MARCHF8: variants seen among roughly 807,000 people sequenced by gnomAD.
The protein encoded by MARCHF8 is E3 ubiquitin-protein ligase MARCHF8.
A neutral mutation model predicts 51.6 loss-of-function variants in MARCHF8; 40 were observed. The observed-to-expected ratio is 0.77, with a 90% CI of 0.60 to 1.01. The LOEUF (loss-of-function observed/expected upper bound fraction) is 1.01. MARCHF8 is among the 50% of genes least tolerant of loss of function. MARCHF8 has a pLI of 0.00. For missense variants in MARCHF8, 685 were observed against 708.6 expected, an observed-to-expected ratio of 0.97 and a Z score of 0.38; for synonymous variants, 263 against 280.3, an observed-to-expected ratio of 0.94 and a Z score of 0.62.
intron 1 of MARCHF8, among the ~76,000 whole-genome samples, chr10:45,550,038 A>G (rs1192732569): frequency 6.6e-6 from 1 of 152,224 alleles, no homozygotes; most frequent in Non-Finnish European, 1.5e-5. Flanking sequence ...CAGAGCTGGG[A>G]GCGGGGACAG....
intron 1 of MARCHF8, among the ~76,000 whole-genome samples, chr10:45,593,260 A>G (rs1362094447): frequency 3.9e-5 from 6 of 152,096 alleles, no homozygotes; most frequent in Non-Finnish European, 7.4e-5. Context: ...TTCAAGTTTC[A>G]GTACATCTCT....
chr10:45,485,504 G>T (rs1424461951), intron 3 of MARCHF8, among the ~76,000 whole-genome samples: 1 of 152,116 alleles, frequency 6.6e-6, no homozygotes, highest in African/African-American at 2.4e-5. Context: ...ATCAAATCCA[G>T]CTGCCCACTT....
chr10:45,463,438 G>T lies in MARCHF8; in HGVS notation c.801C>A (p.His267Gln), dbSNP rs1368366921. The T allele has an allele frequency of 1.9e-6, 3 of 1,550,618 alleles. No individual in the cohort carries two copies. Among genetic ancestry groups the T allele is most frequent in the Non-Finnish European group, 2.6e-6 (3 of 1,147,010 alleles). Residue 267 changes from histidine to glutamine, a missense_variant, in exon 5 of 8, where the codon CAC becomes CAA. Physicochemically the swap from His to Gln is conservative, Grantham distance 24. Coordinates refer to ENST00000453424, the MANE Select transcript of MARCHF8 (RefSeq NM_001282866.2). ...QLLQYLFSLS[H>Q]GLSASSLHRF... ...TGTGCAGGCTGCTGGCGCTCAAGCCGTGCGAGAGTGAGAACAGGTACTGGA... is the reference window on the plus strand; with the variant it reads ...TGTGCAGGCTGCTGGCGCTCAAGCCTTGCGAGAGTGAGAACAGGTACTGGA...
intron 1 of MARCHF8, among the ~76,000 whole-genome samples, chr10:45,541,221 C>T (rs1253213093): frequency 3.3e-5 from 5 of 152,102 alleles, no homozygotes. Flanking sequence ...ACATATACAC[C>T]ATGGAATACT....
At chr10:45,469,352 T>A (rs946944492) in intron 3 of MARCHF8, among the ~76,000 whole-genome samples, 1 of 152,142 alleles carries the variant, frequency 6.6e-6, no homozygotes, top group African/African-American at 2.4e-5. Flanking sequence ...TTGATGATTT[T>A]AAAAAGTAAA....
At chr10:45,502,546 AG>A (rs2043300148) in intron 2 of MARCHF8, among the ~76,000 whole-genome samples, 1 of 152,232 alleles carries the variant, frequency 6.6e-6, no homozygotes. Flanking sequence ...GAAAGCAGAG[AG>A]AAAAAAAGGA....
intron 2 of MARCHF8, among the ~76,000 whole-genome samples, chr10:45,510,152 AGAGAGAAGGCCATGTCAAGACATG>A (rs1490644781): frequency 1.3e-5 from 2 of 152,184 alleles, no homozygotes; most frequent in Non-Finnish European, 2.9e-5. Context: ...GCTTGTGCAC[AGAGAGAAGGCCATGTCAAGACATG>A]GAGAGAAGGC....
intron 1 of MARCHF8, among the ~76,000 whole-genome samples, chr10:45,552,590 A>G (rs1458143539): frequency 1.3e-5 from 2 of 152,218 alleles, no homozygotes; most frequent in Non-Finnish European, 2.9e-5. Context: ...ATTTAACCTA[A>G]GCAAACAAAT....
intron 1 of MARCHF8, among the ~76,000 whole-genome samples, chr10:45,562,060 A>G (rs181673887): frequency 3.3e-5 from 5 of 152,316 alleles, no homozygotes; most frequent in Admixed American, 3.3e-4. Context: ...AGTCACAGCT[A>G]AGGAGAGATT....
intron 1 of MARCHF8, among the ~76,000 whole-genome samples, chr10:45,583,681 A>C (rs907222513): frequency 2.6e-5 from 4 of 152,220 alleles, no homozygotes; most frequent in African/African-American, 9.6e-5. Context: ...AGTATGTAGT[A>C]TGATGCTACT....
At chr10:45,560,243 G>C (rs2044294494) in intron 1 of MARCHF8, among the ~76,000 whole-genome samples, 1 of 152,158 alleles carries the variant, frequency 6.6e-6, no homozygotes, top group Non-Finnish European at 1.5e-5. Context: ...CAGGGTGGTA[G>C]GAACAATTGC....
At chr10:45,565,281 A>T (rs990805466) in intron 1 of MARCHF8, among the ~76,000 whole-genome samples, 1 of 152,060 alleles carries the variant, frequency 6.6e-6, no homozygotes, top group African/African-American at 2.4e-5. Context: ...AAGTACAAAA[A>T]TTAACCGGGC....
chr10:45,560,244 G>A (rs2044294558), intron 1 of MARCHF8, among the ~76,000 whole-genome samples: 1 of 152,200 alleles, frequency 6.6e-6, no homozygotes, highest in Non-Finnish European at 1.5e-5. Context: ...AGGGTGGTAG[G>A]AACAATTGCA....
chr10:45,578,939 A>G (rs563714532), intron 1 of MARCHF8, among the ~76,000 whole-genome samples: 127 of 152,336 alleles, frequency 8.3e-4, no homozygotes, highest in African/African-American at 3.0e-3. Flanking sequence ...AAAGGAGACT[A>G]AAGAAATATG....
intron 1 of MARCHF8, among the ~76,000 whole-genome samples, chr10:45,585,203 T>C (rs1391260393): frequency 3.3e-5 from 5 of 152,134 alleles, no homozygotes; most frequent in Non-Finnish European, 7.4e-5. Context: ...GTTGAAGAAA[T>C]GCATTATCCT....
chr10:45,525,048 AAG>A (rs1295736211), intron 2 of MARCHF8, among the ~76,000 whole-genome samples: 1 of 152,226 alleles, frequency 6.6e-6, no homozygotes, highest in Non-Finnish European at 1.5e-5. Flanking sequence ...TAATAGAGAA[AAG>A]AGAATAATTT....
At chr10:45,504,549 A>T (rs1389244813) in intron 2 of MARCHF8, among the ~76,000 whole-genome samples, 1 of 152,254 alleles carries the variant, frequency 6.6e-6, no homozygotes, top group Non-Finnish European at 1.5e-5. Flanking sequence ...TCAATACAGG[A>T]CACCAGCTAT....
In MARCHF8 at chr10:45,482,199, C is replaced by T. The variant is rs529405847; in HGVS notation, c.153+7168G>A. Among the ~76,000 whole-genome samples the T allele has an allele frequency of 3.3e-3, 510 of 152,246 alleles. 2 individuals are homozygous for T. Among genetic ancestry groups the T allele is most frequent in the Admixed American group, 5.8e-3 (89 of 15,290 alleles). On this transcript the variant is annotated intron_variant, in intron 3 of 7. Transcript: ENST00000453424. Reference sequence around the variant, plus strand: ...CAAATTGAAAGATATCCCACGTCCACGGATCAAAAGAATTAGTGTCATTAA... The same window carrying T: ...CAAATTGAAAGATATCCCACGTCCATGGATCAAAAGAATTAGTGTCATTAA...
chr10:45,564,062 G>A (rs984995346), intron 1 of MARCHF8, among the ~76,000 whole-genome samples: 2 of 152,202 alleles, frequency 1.3e-5, no homozygotes, highest in Non-Finnish European at 2.9e-5. Context: ...GATCACCTGA[G>A]GTCAGGAGTT....
Sources: allele counts gnomAD v4.1 joint callset (sites outside exome capture counted in the v4.1 genomes callset), GRCh38; gene constraint gnomAD v4.1.1; transcripts MANE v1.5; gene names NCBI Gene and HGNC (gene_info 2026-07-23, HGNC 2026-07-21).